INTS6: variants seen among roughly 807,000 people sequenced by gnomAD.
INTS6 encodes the protein integrator complex subunit 6, also known as DEAD box protein.
In INTS6, 16 loss-of-function variants were observed where a neutral mutation model predicts 104.9. The observed-to-expected ratio is 0.15, with a 90% CI of 0.10 to 0.23. The LOEUF is 0.23. Among genes scored for constraint, INTS6 ranks in the 10% least tolerant of loss-of-function variants. The probability of loss-of-function intolerance (pLI) is 1.00; values close to 1 mark genes in which losing one functional copy is unlikely to be tolerated. For synonymous variants in INTS6, 324 were observed against 358.7 expected, an observed-to-expected ratio of 0.90 and a Z score of 1.09; for missense variants, 584 against 1,062.8, an observed-to-expected ratio of 0.55 and a Z score of 6.26.
downstream of INTS6, among the ~76,000 whole-genome samples, chr13:51,350,979 T>C (rs889003626): frequency 3.9e-5 from 6 of 152,188 alleles, no homozygotes; most frequent in African/African-American, 1.4e-4. Flanking sequence ...CAATACTATC[T>C]TCCTTTTTAT....
the INTS6 span, among the ~76,000 whole-genome samples, chr13:51,343,999 C>A: frequency 6.6e-6 from 1 of 152,180 alleles, no homozygotes; most frequent in Non-Finnish European, 1.5e-5. Flanking sequence ...TAGTGTTTTT[C>A]TATTTGACTT....
chr13:51,451,799 G>T (rs1228235137), intron 2 of INTS6, among the ~76,000 whole-genome samples, 179 bp downstream of exon 2: 1 of 150,220 alleles, frequency 6.7e-6, no homozygotes, highest in Non-Finnish European at 1.5e-5. Context: ...TCCGCGCCGC[G>T]CTAGGACGCT....
intron 5 of INTS6, among the ~76,000 whole-genome samples, chr13:51,392,613 T>A (rs2137956732): frequency 6.6e-6 from 1 of 152,334 alleles, no homozygotes; most frequent in South Asian, 2.1e-4. Flanking sequence ...TATTCAGGTC[T>A]CTGCTTAAAT....
At chr13:51,439,500 T>A (rs1214180029) in intron 3 of INTS6, 1 of 151,936 alleles carries the variant, frequency 6.6e-6, no homozygotes, top group Non-Finnish European at 1.5e-5. Context: ...CAAAAAAAAA[T>A]CTTCATATAA....
At chr13:51,403,332 C>A (rs368967192) in intron 4 of INTS6, among the ~76,000 whole-genome samples, 10 of 152,052 alleles carry the variant, frequency 6.6e-5, no homozygotes, top group African/African-American at 2.4e-4. Context: ...ACCTGTAATC[C>A]CAGCACTTTG....
intron 4 of INTS6, among the ~76,000 whole-genome samples, chr13:51,417,680 C>T (rs1956816168): frequency 6.6e-6 from 1 of 152,140 alleles, no homozygotes. Flanking sequence ...TGGTCTCGAA[C>T]TCCTGAGCTC....
chr13:51,359,812 T>G (rs1417634688), downstream of INTS6, among the ~76,000 whole-genome samples: 2 of 152,134 alleles, frequency 1.3e-5, no homozygotes, highest in African/African-American at 4.8e-5. Context: ...ACTTTGGCAC[T>G]GCATTTCAGT....
intron 3 of INTS6, chr13:51,437,541 G>C (rs1432145926): frequency 6.6e-6 from 1 of 151,980 alleles, no homozygotes; most frequent in Non-Finnish European, 1.5e-5. Context: ...TATCTTAAAG[G>C]CTACAACTGA....
chr13:51,369,616 T>C (rs1202987463), intron 15 of INTS6, among the ~76,000 whole-genome samples: 1 of 152,220 alleles, frequency 6.6e-6, no homozygotes, highest in Non-Finnish European at 1.5e-5. Flanking sequence ...AGGTTCTTGA[T>C]ACTTCAATGA....
rs1381851573 is a variant in INTS6 at position 51,452,216 on chromosome 13, ACCGCCCGGGGCCGGAGCCCGGGCC to A, written c.111+175_112-162del. The A allele has an allele frequency of 1.6e-6, 1 of 633,432 alleles. No individual in the cohort carries two copies. Among genetic ancestry groups the A allele is most frequent in the Non-Finnish European group, 2.3e-6 (1 of 444,274 alleles). The allele number at this position is 633,432 out of a possible 1,614,324, so 39.2% of individuals were successfully genotyped here. On this transcript the variant is annotated intron_variant, in intron 1 of 17. Coordinates refer to ENST00000311234, the MANE Select transcript of INTS6 (RefSeq NM_012141.3). The surrounding 1 kb of genome is among the most constrained non-coding windows in gnomAD (Gnocchi z 4.2). ...CCCACACACAGATCGCTCCCCACAC[ACCGCCCGGGGCCGGAGCCCGGGCC>A]CCGGCCGAACCCGGCTCGCAGCGCC...
chr13:51,406,280 C>T (rs139721851), intron 4 of INTS6, among the ~76,000 whole-genome samples: 34 of 152,242 alleles, frequency 2.2e-4, no homozygotes, highest in South Asian at 6.2e-4. Flanking sequence ...ACCAAATATT[C>T]TGCCTCATGA....
intron 4 of INTS6, among the ~76,000 whole-genome samples, chr13:51,400,541 T>C (rs1157838501): frequency 6.6e-6 from 1 of 152,220 alleles, no homozygotes; most frequent in East Asian, 1.9e-4. Flanking sequence ...GATATCCAAT[T>C]GATACAGGCC....
intron 4 of INTS6, among the ~76,000 whole-genome samples, chr13:51,417,402 T>A (rs1331222260): frequency 1.3e-5 from 2 of 152,080 alleles, no homozygotes; most frequent in African/African-American, 4.8e-5. Context: ...TTCATTCTCT[T>A]GCATGTGCAT....
At chr13:51,345,429 C>A in the INTS6 span, among the ~76,000 whole-genome samples, 2 of 152,020 alleles carry the variant, frequency 1.3e-5, no homozygotes, top group South Asian at 4.1e-4. Flanking sequence ...CCCGTCTCTA[C>A]TAAAAATACA....
chr13:51,344,077 T>A, the INTS6 span, among the ~76,000 whole-genome samples: 2 of 152,240 alleles, frequency 1.3e-5, no homozygotes, highest in African/African-American at 4.8e-5. Flanking sequence ...GGATCCAGGC[T>A]GATTTCTGAG....
At position 51,396,638 on chromosome 13, in the gene INTS6, C is replaced by T. The variant is rs147824134; in HGVS notation, c.430-1155G>A. On this transcript the variant is annotated intron_variant, in intron 4 of 17. Transcript: ENST00000311234. ...AAAAAAGAGGAAGAAAGAAAAGATT[C>T]GACCTGAATTGAATCAAGCCTTCGG... Among the ~76,000 whole-genome samples, 619 of 152,208 alleles carry T rather than the reference C, an allele frequency of 4.1e-3. 6 individuals carry two copies. The highest frequency in any genetic ancestry group is 0.014 in the African/African-American group (596 of 41,522).
Position 51,378,242 on chromosome 13 carries a change from A to C in INTS6, c.1599T>G (p.Asn533Lys), listed in dbSNP as rs939322672. 4 of 1,608,552 alleles carry C rather than the reference A, an allele frequency of 2.5e-6. No homozygotes were observed. The highest frequency in any genetic ancestry group is 3.4e-6 in the Non-Finnish European group (4 of 1,175,264). Residue 533 changes from asparagine (N) to lysine (K), a missense_variant, in exon 12 of 18, where the codon AAT (asparagine) becomes AAG (lysine). Asn to Lys is a moderately conservative substitution (Grantham distance 94, BLOSUM62 0). Around this residue, in one of 5 missense-constraint regions of INTS6, gnomAD observed 296 missense variants for 437.0 expected, o/e 0.68. Coordinates refer to ENST00000311234, the MANE Select transcript of INTS6 (RefSeq NM_012141.3). ...EYTGFQVALL[N>K]KDLKPQTFRN... ...GCACTAAATTCATGATTATTACCTT[A>C]TTCAGCAAAGCAACTTGGAACCCAG...
intron 3 of INTS6, 89 bp from the exon 4 acceptor site, chr13:51,430,472 T>A: frequency 1.1e-6 from 1 of 869,836 alleles, no homozygotes; most frequent in Admixed American, 2.3e-5. Context: ...ATATATACGA[T>A]CTCCCTTTCT....
chr13:51,341,339 C>G, the INTS6 span: 4 of 1,596,930 alleles, frequency 2.5e-6, no homozygotes, highest in Admixed American at 3.5e-5. Context: ...CTGGGGTACA[C>G]TGTCCATGGT....
Sources: allele counts gnomAD v4.1 joint callset (sites outside exome capture counted in the v4.1 genomes callset), GRCh38; gene constraint gnomAD v4.1.1; regional missense constraint gnomAD v4.1.1; non-coding constraint Gnocchi (gnomAD v3.1); transcripts MANE v1.5; gene names NCBI Gene and HGNC (gene_info 2026-07-23, HGNC 2026-07-21).